GLIS1: variants seen among roughly 807,000 people sequenced by gnomAD.
GLIS1 encodes the protein zinc finger protein GLIS1.
In GLIS1, 24 loss-of-function variants were observed where a neutral mutation model predicts 63.8. That is an observed-to-expected ratio of 0.38 (90% CI 0.27 to 0.53). The LOEUF (loss-of-function observed/expected upper bound fraction) is 0.53, where lower values mean the gene tolerates loss of function less well. Among genes scored for constraint, GLIS1 ranks in the 20% least tolerant of loss-of-function variants. GLIS1 has a pLI of 0.85. For synonymous variants in GLIS1, 450 were observed against 482.5 expected (o/e 0.93, Z 0.88); for missense variants, 1,036 against 1,074.1 (o/e 0.96, Z 0.50).
intron 7 of GLIS1, among the ~76,000 whole-genome samples, chr1:53,515,818 A>G (rs1285440761): frequency 8.4e-6 from 1 of 119,462 alleles, no homozygotes; most frequent in Non-Finnish European, 1.6e-5. Context: ...ATTTTATCTA[A>G]AAAAAAAAAA....
intron 2 of GLIS1, among the ~76,000 whole-genome samples, chr1:53,712,256 G>C (rs966220381): frequency 6.6e-6 from 1 of 152,216 alleles, no homozygotes; most frequent in Admixed American, 6.5e-5. Context: ...ATCACCCAGA[G>C]ACCCTGTGAA....
chr1:53,555,289 G>A (rs1644807041), intron 4 of GLIS1, among the ~76,000 whole-genome samples: 1 of 152,178 alleles, frequency 6.6e-6, no homozygotes, highest in African/African-American at 2.4e-5. Context: ...CTAGCACTTT[G>A]GGAGGCCGAG....
chr1:53,534,691 AC>A (rs1553121676), intron 4 of GLIS1, among the ~76,000 whole-genome samples: 2 of 100,496 alleles, frequency 2.0e-5, no homozygotes, highest in Non-Finnish European at 3.9e-5. Context: ...GCTACTGTGC[AC>A]CCCCCATCCT....
rs1268051501 is a variant in GLIS1, at chr1:53,679,717, T to TCAGAGCA, written c.259+58088_259+58089insTGCTCTG. Among the ~76,000 whole-genome samples, 462 of 152,310 alleles carry TCAGAGCA rather than the reference T, an allele frequency of 3.0e-3. 2 individuals are homozygous for TCAGAGCA. Among genetic ancestry groups the TCAGAGCA allele is most frequent in the African/African-American group, 0.011 (452 of 41,570 alleles). ...CCTTGGCTGCTCTGAGCATGCTTCC[T>TCAGAGCA]TGGGACAGCAATCACTCCTGCCTTC... is the stretch of plus-strand genomic sequence containing the variant. On this transcript the variant is annotated intron_variant, in intron 2 of 10. Coordinates refer to ENST00000628545, the MANE Select transcript of GLIS1 (RefSeq NM_001367484.1).
intron 2 of GLIS1, among the ~76,000 whole-genome samples, chr1:53,695,731 C>T (rs922701054): frequency 6.6e-6 from 1 of 152,142 alleles, no homozygotes; most frequent in Non-Finnish European, 1.5e-5. Flanking sequence ...AGAAGTGTGC[C>T]GCACCGGGAC....
At chr1:53,553,176 C>CA (rs35089544) in intron 4 of GLIS1, among the ~76,000 whole-genome samples, 12,153 of 152,186 alleles carry the variant, frequency 0.08, 549 homozygotes, top group South Asian at 0.13. Flanking sequence ...CATTGTGCTT[C>CA]AAAACCAGGA....
Position 53,511,041 on chromosome 1 carries a change from T to C in GLIS1, c.1884-1014A>G, listed in dbSNP as rs918067607. ...TGCTGCAGGCCAGGTTCCCTTCTCA[T>C]GCTACCTTCCTAAGCCCCTGGGCCC... On this transcript the variant is annotated intron_variant, in intron 8 of 10. Coordinates refer to ENST00000628545, the MANE Select transcript of GLIS1 (RefSeq NM_001367484.1). The surrounding 1 kb of genome is among the most constrained non-coding windows in gnomAD (Gnocchi z 4.2). 2.0e-5 allele frequency among the ~76,000 whole-genome samples: 3 copies of C among 152,228 alleles called. No individual in the cohort carries two copies. Among genetic ancestry groups the C allele is most frequent in the South Asian group, 2.1e-4 (1 of 4,832 alleles).
chr1:53,607,514 G>A (rs2100564964), intron 2 of GLIS1, among the ~76,000 whole-genome samples: 1 of 152,312 alleles, frequency 6.6e-6, no homozygotes, highest in Middle Eastern at 3.4e-3. Flanking sequence ...TTATGTGCCA[G>A]GTACAGTGCT....
intron 7 of GLIS1, among the ~76,000 whole-genome samples, chr1:53,519,650 G>A (rs542452886): frequency 2.6e-5 from 4 of 152,286 alleles, no homozygotes; most frequent in East Asian, 3.9e-4. Flanking sequence ...GACCTGCCCC[G>A]TGGCCCACGG....
At chr1:53,673,478 G>A (rs1230795891) in intron 2 of GLIS1, among the ~76,000 whole-genome samples, 7 of 152,164 alleles carry the variant, frequency 4.6e-5, no homozygotes, top group Non-Finnish European at 1.0e-4. Context: ...TGAGGTCCTG[G>A]GCAAGTCACC....
intron 4 of GLIS1, among the ~76,000 whole-genome samples, chr1:53,571,042 T>C (rs1458745228): frequency 6.6e-6 from 1 of 151,338 alleles, no homozygotes; most frequent in Non-Finnish European, 1.5e-5. Context: ...ACAGAAAATA[T>C]CAAGAATTCC....
intron 6 of GLIS1, among the ~76,000 whole-genome samples, chr1:53,521,243 G>A (rs1204244705): frequency 6.7e-6 from 1 of 148,488 alleles, no homozygotes; most frequent in African/African-American, 2.4e-5. Context: ...TGTGGTCTCC[G>A]ATGGGTAGCT....
chr1:53,680,910 C>T (rs969247828), intron 2 of GLIS1, among the ~76,000 whole-genome samples: 3 of 152,198 alleles, frequency 2.0e-5, no homozygotes, highest in Non-Finnish European at 4.4e-5. Context: ...TTCACTGTGC[C>T]CAAGGTGAAC....
chr1:53,613,745 G>T (rs1645450013), intron 2 of GLIS1, among the ~76,000 whole-genome samples: 2 of 151,996 alleles, frequency 1.3e-5, no homozygotes, highest in Non-Finnish European at 2.9e-5. Flanking sequence ...CACCACACAA[G>T]GAACTGAGAA....
chr1:53,731,638 C>T (rs941619655), intron 2 of GLIS1, among the ~76,000 whole-genome samples: 42 of 152,274 alleles, frequency 2.8e-4, no homozygotes, highest in African/African-American at 9.9e-4. Flanking sequence ...AAGCCTCAGT[C>T]CCCCCATCTT....
intron 4 of GLIS1, among the ~76,000 whole-genome samples, chr1:53,580,699 A>G (rs910329975): frequency 2.6e-5 from 4 of 151,666 alleles, no homozygotes; most frequent in Non-Finnish European, 5.9e-5. Context: ...CTGAGAAAAC[A>G]TGGACGAAAG....
chr1:53,687,954 G>A (rs774566021), intron 2 of GLIS1, among the ~76,000 whole-genome samples: 7 of 152,198 alleles, frequency 4.6e-5, no homozygotes, highest in Non-Finnish European at 8.8e-5. Flanking sequence ...AAGCGGGCCC[G>A]GCTGTGCCCC....
At chr1:53,615,902 C>T (rs1277465567) in intron 2 of GLIS1, among the ~76,000 whole-genome samples, 3 of 152,060 alleles carry the variant, frequency 2.0e-5, no homozygotes, top group African/African-American at 2.4e-5. Context: ...GCGTGCGCAA[C>T]CACACCTGGC....
Position 53,524,774 on chromosome 1 carries a change from T to A in GLIS1, c.1593+3A>T, listed in dbSNP as rs746863158. On this transcript the variant is annotated splice_donor_region_variant and intron_variant, in intron 6 of 10. Transcript: ENST00000628545. The stretch of plus-strand genomic sequence containing the variant: ...GGAGGCCAGATGAGGAGGGCTGGCT[T>A]ACCTTCTTACGCACCTGCTGCTCTT... 1 of 1,611,082 alleles carries A rather than the reference T, an allele frequency of 6.2e-7. No individual in the cohort carries two copies. Among genetic ancestry groups the A allele is most frequent in the Non-Finnish European group, 8.5e-7 (1 of 1,177,898 alleles).
Sources: gnomAD v4.1 joint callset for allele counts (sites outside exome capture counted in the v4.1 genomes callset) on GRCh38, gnomAD v4.1.1 for gene constraint, Gnocchi (gnomAD v3.1) non-coding constraint, MANE v1.5 for transcripts, NCBI Gene and HGNC (gene_info 2026-07-23, HGNC 2026-07-21) for gene names.